Variants in ENTHD1 observed in about 807,000 individuals in gnomAD.
ENTHD1 encodes ENTH domain containing 1, also known as ENTH domain-containing protein 1.
ENTHD1 carries 23 observed loss-of-function variants against 39.1 expected under a neutral mutation model. That is an observed-to-expected ratio of 0.59 (90% confidence interval 0.42 to 0.83). The LOEUF (loss-of-function observed/expected upper bound fraction) is 0.83. ENTHD1 is among the 40% of genes least tolerant of loss of function. The probability of loss-of-function intolerance (pLI) is 0.00; values close to 1 mark genes in which losing one functional copy is unlikely to be tolerated. For synonymous variants in ENTHD1, 230 were observed against 258.2 expected (o/e 0.89, Z 1.05); for missense variants, 624 against 705.4 (o/e 0.88, Z 1.31).
In ENTHD1 at chr22:39,840,387, C is replaced by A. The variant is rs775617465; in HGVS notation, c.593-4429G>T. Among the ~76,000 whole-genome samples, 24 of 152,166 alleles carry A rather than the reference C, an allele frequency of 1.6e-4. 1 individual carries two copies. The highest frequency in any genetic ancestry group is 1.4e-3 in the Admixed American group (21 of 15,282). ...AATACCACAAAGCAGAACTTGTGAA[C>A]CCTCCGATATTTCTTAGATGAGATA... On this transcript the variant is annotated intron_variant, in intron 3 of 6. Coordinates refer to ENST00000325157, the MANE Select transcript of ENTHD1 (RefSeq NM_152512.4).
intron 1 of ENTHD1, among the ~76,000 whole-genome samples, chr22:39,892,860 C>T (rs894070150): frequency 1.3e-5 from 2 of 152,198 alleles, no homozygotes; most frequent in Non-Finnish European, 2.9e-5. Context: ...TAGAGACTAC[C>T]ATGCCATTAG....
Position 39,831,699 on chromosome 22 carries a change from G to A in ENTHD1, c.711+4141C>T, listed in dbSNP as rs181705695. Among the ~76,000 whole-genome samples, 325 of 151,858 alleles carry A rather than the reference G, an allele frequency of 2.1e-3. 1 individual carries two copies. Among genetic ancestry groups the A allele is most frequent in the African/African-American group, 7.4e-3 (306 of 41,448 alleles). On this transcript the variant is annotated intron_variant, in intron 4 of 6. Coordinates refer to ENST00000325157, the MANE Select transcript of ENTHD1 (RefSeq NM_152512.4). ...AAATTAGCCAGGTGTAGTGGCGGGC[G>A]TCTGTATACCCAGCTACTTGGGAGG...
At chr22:39,861,541 A>T (rs1382283277) in intron 3 of ENTHD1, among the ~76,000 whole-genome samples, 2 of 152,080 alleles carry the variant, frequency 1.3e-5, no homozygotes. Context: ...TTCCGTCTCA[A>T]AAATAAATAA....
chr22:39,769,917 A>C (rs547717473), intron 5 of ENTHD1, among the ~76,000 whole-genome samples: 1 of 152,196 alleles, frequency 6.6e-6, no homozygotes, highest in Admixed American at 6.5e-5. Context: ...ATGGAAACTG[A>C]TTCTCACAAC....
chr22:39,827,608 A>G (rs2065837058), intron 4 of ENTHD1, among the ~76,000 whole-genome samples: 1 of 152,200 alleles, frequency 6.6e-6, no homozygotes, highest in Non-Finnish European at 1.5e-5. Context: ...AAAAATTAAA[A>G]TAAAAATTTT....
In ENTHD1 at chr22:39,888,385, C is replaced by T. The variant is rs139151919; in HGVS notation, c.-155-482G>A. On this transcript the variant is annotated intron_variant, in intron 1 of 6. Coordinates refer to ENST00000325157, the MANE Select transcript of ENTHD1 (RefSeq NM_152512.4). ...TAGGTTCATGCAATTCTCCTGCCTC[C>T]GCCTCCCAAGCAGCTGGAACTATAG... Among the ~76,000 whole-genome samples the T allele has an allele frequency of 2.3e-4, 35 of 151,058 alleles. No individual in the cohort carries two copies. The East Asian group carries it at 5.8e-3, about 25-fold the overall frequency.
At chr22:39,761,912 G>A (rs2065236438) in intron 6 of ENTHD1, among the ~76,000 whole-genome samples, 1 of 151,838 alleles carries the variant, frequency 6.6e-6, no homozygotes, top group Non-Finnish European at 1.5e-5. Flanking sequence ...GTCATCTAAG[G>A]GTCAGTTTCT....
intron 3 of ENTHD1, among the ~76,000 whole-genome samples, chr22:39,849,556 T>G (rs2066018504): frequency 6.6e-6 from 1 of 152,226 alleles, no homozygotes; most frequent in South Asian, 2.1e-4. Context: ...TATCTTTCCA[T>G]TTATATAGGT....
chr22:39,798,780 C>T (rs543200981), intron 5 of ENTHD1, among the ~76,000 whole-genome samples: 2 of 152,260 alleles, frequency 1.3e-5, no homozygotes, highest in East Asian at 3.9e-4. Flanking sequence ...GTGGGCAAGT[C>T]CTCCGTCCCC....
At chr22:39,875,547 C>T (rs2066281959) in intron 2 of ENTHD1, 5 of 1,611,328 alleles carry the variant, frequency 3.1e-6, no homozygotes, top group Non-Finnish European at 3.4e-6. Context: ...GTCAAGGTGC[C>T]TGACTTCTCT....
At chr22:39,814,890 GA>G (rs942586660) in intron 5 of ENTHD1, among the ~76,000 whole-genome samples, 6 of 150,800 alleles carry the variant, frequency 4.0e-5, no homozygotes, top group Admixed American at 6.6e-5. Flanking sequence ...AAACCATAGA[GA>G]AAAAAAAATC....
intron 3 of ENTHD1, among the ~76,000 whole-genome samples, chr22:39,837,462 T>G (rs1334299213): frequency 6.6e-6 from 1 of 152,096 alleles, no homozygotes; most frequent in Non-Finnish European, 1.5e-5. Context: ...TATGATATCT[T>G]CCCAAGCATA....
chr22:39,892,212 C>T (rs759320248), intron 1 of ENTHD1, among the ~76,000 whole-genome samples: 4 of 152,156 alleles, frequency 2.6e-5, no homozygotes, highest in Non-Finnish European at 4.4e-5. Context: ...CAAATGATTA[C>T]GTAGAAAAGG....
intron 2 of ENTHD1, among the ~76,000 whole-genome samples, chr22:39,885,695 G>A (rs2146774711): frequency 6.6e-6 from 1 of 152,336 alleles, no homozygotes; most frequent in East Asian, 1.9e-4. Context: ...TGACAACGCT[G>A]AGGACATTAT....
At chr22:39,758,287 G>A (rs973584107) in intron 6 of ENTHD1, among the ~76,000 whole-genome samples, 1 of 152,060 alleles carries the variant, frequency 6.6e-6, no homozygotes, top group Admixed American at 6.5e-5. Flanking sequence ...CACTGCCTAA[G>A]ACCTCTAATA....
chr22:39,765,050 C>T (rs1473623961), intron 6 of ENTHD1, among the ~76,000 whole-genome samples, 173 bp downstream of exon 6: 1 of 152,010 alleles, frequency 6.6e-6, no homozygotes, highest in African/African-American at 2.4e-5. Flanking sequence ...GGGGGACTTT[C>T]CCAACTAAGA....
intron 3 of ENTHD1, among the ~76,000 whole-genome samples, chr22:39,851,152 ACT>A (rs2066034797): frequency 6.6e-6 from 1 of 152,188 alleles, no homozygotes; most frequent in African/African-American, 2.4e-5. Flanking sequence ...ATACTATGTC[ACT>A]GTCGTCAGGC....
At chr22:39,786,036 C>T (rs943682384) in intron 5 of ENTHD1, among the ~76,000 whole-genome samples, 2 of 152,144 alleles carry the variant, frequency 1.3e-5, no homozygotes, top group African/African-American at 4.8e-5. Context: ...GCTTCTCATC[C>T]TACTGCTTAT....
chr22:39,840,352 C>T (rs1027767687), intron 3 of ENTHD1, among the ~76,000 whole-genome samples: 3 of 152,178 alleles, frequency 2.0e-5, no homozygotes, highest in Admixed American at 2.0e-4. Context: ...TGAGCCCGCA[C>T]CACTCAGATA....
Sources: gnomAD v4.1 joint callset for allele counts (sites outside exome capture counted in the v4.1 genomes callset) on GRCh38, gnomAD v4.1.1 for gene constraint, MANE v1.5 for transcripts, NCBI Gene and HGNC (gene_info 2026-07-23, HGNC 2026-07-21) for gene names.